Variants in MGA observed in about 807,000 individuals in gnomAD.
The protein encoded by MGA is MAX gene-associated protein.
Under a neutral mutation model 261.1 loss-of-function variants are expected in MGA, and 40 were observed. That is an observed-to-expected ratio of 0.15 (90% CI 0.12 to 0.20). MGA has a LOEUF of 0.20. Ranked by LOEUF, MGA falls within the 10% of genes least tolerant of loss-of-function variation. MGA has a pLI of 1.00. For synonymous variants in MGA, 1,302 were observed against 1,290.6 expected, an observed-to-expected ratio of 1.01 and a Z score of -0.19; for missense variants, 3,397 against 3,630.5, an observed-to-expected ratio of 0.94 and a Z score of 1.65.
chr15:41,749,886 C>G lies in MGA; in HGVS notation c.6279C>G (p.Ala2093=), dbSNP rs370483949. 7.2e-4 allele frequency: 1,169 copies of G among 1,613,808 alleles called. 3 individuals carry two copies. The highest frequency in any genetic ancestry group is 9.3e-4 in the Non-Finnish European group (1,098 of 1,179,876). The change falls in exon 17 of 24, where the codon GCC becomes GCG. Residue 2093 remains alanine (A), a synonymous_variant. Coordinates refer to ENST00000219905, the MANE Select transcript of MGA (RefSeq NM_001164273.2). ...AAGTTAGGACCATTTCTGAAAAAGC[C>G]AGTAATAAGACAGTCCAAAATTTAA...
At chr15:41,700,041 G>GTTTTTTTT (rs763919635) in intron 5 of MGA, among the ~76,000 whole-genome samples, 22 of 101,564 alleles carry the variant, frequency 2.2e-4, no homozygotes, top group East Asian at 8.2e-4. Context: ...TGTCATCGAG[G>GTTTTTTTT]TTTTTTTTTT....
At chr15:41,732,644 C>T (rs1187981457) in intron 11 of MGA, among the ~76,000 whole-genome samples, 1 of 152,166 alleles carries the variant, frequency 6.6e-6, no homozygotes, top group African/African-American at 2.4e-5. Context: ...TCCTCTGTGG[C>T]CTGTCTAGGG....
chr15:41,683,895 GT>G lies in MGA; in HGVS notation c.1065-12172del, dbSNP rs1331019089. On this transcript the variant is annotated intron_variant, in intron 2 of 23. Coordinates refer to ENST00000219905, the MANE Select transcript of MGA (RefSeq NM_001164273.2). ...CGTGCATGGCCTAAGCACCAGTTTT[GT>G]TTTTTTTCCCTTTCCTTTTTTTAAA... Among the ~76,000 whole-genome samples, 7 of 150,942 alleles carry G rather than the reference GT, an allele frequency of 4.6e-5. No individual in the cohort carries two copies. In the South Asian group the frequency reaches 1.1e-3, roughly 23 times the overall value.
At chr15:41,661,586 A>AAGTGC (rs2057404294) in intron 1 of MGA, among the ~76,000 whole-genome samples, 1 of 152,050 alleles carries the variant, frequency 6.6e-6, no homozygotes, top group South Asian at 2.1e-4. Flanking sequence ...CGAGAAACCA[A>AAGTGC]AGTGCACTCT....
At chr15:41,698,826 A>G (rs2059681731) in intron 3 of MGA, 37 bp from the exon 4 acceptor site, 9 of 1,445,822 alleles carry the variant, frequency 6.2e-6, no homozygotes, top group Non-Finnish European at 8.4e-6. Flanking sequence ...TTCAGAAGCA[A>G]TATGAACTAC....
chr15:41,745,281 TAAAAAAAAA>T (rs71108126), intron 15 of MGA, among the ~76,000 whole-genome samples: 8 of 33,220 alleles, frequency 2.4e-4, no homozygotes, highest in East Asian at 4.4e-3. Flanking sequence ...GAATGATCAA[TAAAAAAAAA>T]AAAAAAAAAA....
At chr15:41,660,094 G>T (rs1255100317), upstream of MGA, among the ~76,000 whole-genome samples, 1 of 152,272 alleles carries the variant, frequency 6.6e-6, no homozygotes, top group East Asian at 1.9e-4. Flanking sequence ...GCACAGTTGA[G>T]AAAGGCCCGC....
In MGA at chr15:41,736,607, A is replaced by G. The variant is rs61736068; in HGVS notation, c.4343A>G (p.Lys1448Arg). Reference sequence around the variant, plus strand: ...GTGAGGGAGAGATTACATGGAGGCAAAGGTCTGCCTTTTTATGCAGGGCTT... The same window carrying G: ...GTGAGGGAGAGATTACATGGAGGCAGAGGTCTGCCTTTTTATGCAGGGCTT... Residue 1448 changes from lysine (K) to arginine (R), a missense_variant, in exon 13 of 24, where the codon AAA becomes AGA. Physicochemically the swap from Lys to Arg is conservative, Grantham distance 26. Transcript: ENST00000219905. 6.8e-4 allele frequency: 1,095 copies of G among 1,614,014 alleles called. 5 individuals carry two copies. In the African/African-American group the frequency reaches 0.013, roughly 19 times the overall value.
rs1357775857 is a variant in MGA, at chr15:41,747,715, A to AT, written c.5213-921dup. On this transcript the variant is annotated intron_variant, in intron 15 of 23. Coordinates refer to ENST00000219905, the MANE Select transcript of MGA (RefSeq NM_001164273.2). ...TGTCTCAAAAGAATGAAGTTGAAGCATAATTTTATCATGAATGATCCCTTT... is the reference window on the plus strand; with the variant it reads ...TGTCTCAAAAGAATGAAGTTGAAGCATTAATTTTATCATGAATGATCCCTTT... 7.9e-5 allele frequency among the ~76,000 whole-genome samples: 12 copies of AT among 152,190 alleles called. 1 individual carries two copies. The highest frequency in any genetic ancestry group is 7.2e-4 in the Admixed American group (11 of 15,262).
At chr15:41,652,941 T>A (rs542882142) in intron 1 of MGA, among the ~76,000 whole-genome samples, 1 of 152,222 alleles carries the variant, frequency 6.6e-6, no homozygotes, top group Non-Finnish European at 1.5e-5. Context: ...GTGGAACTAG[T>A]CATGAGATGA....
chr15:41,673,020 A>AT (rs1326289069), intron 2 of MGA, among the ~76,000 whole-genome samples: 1 of 151,842 alleles, frequency 6.6e-6, no homozygotes, highest in Non-Finnish European at 1.5e-5. Context: ...TTGCTTGACC[A>AT]TTTTTCTCCT....
chr15:41,703,715 C>G (rs1484979720), intron 5 of MGA, among the ~76,000 whole-genome samples: 1 of 152,048 alleles, frequency 6.6e-6, no homozygotes, highest in African/African-American at 2.4e-5. Flanking sequence ...GCACTCCAGC[C>G]TGGGCAACAG....
chr15:41,690,697 A>G (rs1322741864), intron 2 of MGA, among the ~76,000 whole-genome samples: 1 of 152,170 alleles, frequency 6.6e-6, no homozygotes, highest in Admixed American at 6.6e-5. Flanking sequence ...TCTACTAAAG[A>G]GAACCTGTCT....
intron 9 of MGA, among the ~76,000 whole-genome samples, chr15:41,715,523 G>A (rs1333175561): frequency 6.6e-6 from 1 of 152,022 alleles, no homozygotes; most frequent in African/African-American, 2.4e-5. Flanking sequence ...AAAAAAATAA[G>A]TTGTTAATAT....
At chr15:41,746,479 A>C (rs1316966777) in intron 15 of MGA, among the ~76,000 whole-genome samples, 1 of 134,804 alleles carries the variant, frequency 7.4e-6, no homozygotes, top group Admixed American at 8.3e-5. Flanking sequence ...CGGGAGGCGG[A>C]GGTTTCAGTG....
chr15:41,719,953 T>A (rs943042846), intron 9 of MGA, among the ~76,000 whole-genome samples: 27 of 152,034 alleles, frequency 1.8e-4, no homozygotes, highest in Non-Finnish European at 3.4e-4. Flanking sequence ...CAACATTTTT[T>A]ATTTAAAAAA....
chr15:41,762,461 GTTTTTTTTT>G lies in MGA; in HGVS notation c.7744+121_7744+129del, dbSNP rs34069193. The G allele has an allele frequency of 2.8e-3, 383 of 138,374 alleles. 2 individuals are homozygous for G. The East Asian group carries it at 0.037, about 13-fold the overall frequency. The allele number at this position is 138,374 out of a possible 1,614,324, so 8.6% of individuals were successfully genotyped here. A position where few individuals can be genotyped will look rare whatever the true frequency, so the allele number is the denominator to read the frequency against. ...TTGTCCACATTTTTAGTTTTGTGTG[GTTTTTTTTT>G]TTTTTTTTTTTTTTTTTTTTTGGAG... On this transcript the variant is annotated intron_variant, in intron 22 of 23. Coordinates refer to ENST00000219905, the MANE Select transcript of MGA (RefSeq NM_001164273.2).
At chr15:41,666,406 G>GA (rs2057741570) in intron 1 of MGA, among the ~76,000 whole-genome samples, 1 of 151,948 alleles carries the variant, frequency 6.6e-6, no homozygotes, top group South Asian at 2.1e-4. Context: ...TTTAAAGACC[G>GA]AAATACTGTC....
At chr15:41,696,007 T>TTTTTTTTTTTTTTTTTTTTTTTTTTTA in intron 2 of MGA, 68 bp from the exon 3 acceptor site, 1 of 1,180,302 alleles carries the variant, frequency 8.5e-7, no homozygotes, top group Non-Finnish European at 1.2e-6. Context: ...TTTTTTTTTT[T>TTTTTTTTTTTTTTTTTTTTTTTTTTTA]TTCTCTTCAA....
Sources: allele counts gnomAD v4.1 joint callset (sites outside exome capture counted in the v4.1 genomes callset), GRCh38; gene constraint gnomAD v4.1.1; transcripts MANE v1.5; gene names NCBI Gene and HGNC (gene_info 2026-07-23, HGNC 2026-07-21).